RGL1: variants seen among roughly 807,000 people sequenced by gnomAD.
RGL1 encodes ral guanine nucleotide dissociation stimulator-like 1.
Under a neutral mutation model 95.2 loss-of-function variants are expected in RGL1, and 24 were observed. That is an observed-to-expected ratio of 0.25 (90% CI 0.18 to 0.35). The LOEUF is 0.35. Ranked by LOEUF, RGL1 falls within the 10% of genes least tolerant of loss-of-function variation. The pLI, the probability that RGL1 is intolerant of heterozygous loss-of-function variation, is 1.00. For missense variants in RGL1, 715 were observed against 936.3 expected (o/e 0.76, Z 3.08); for synonymous variants, 329 against 344.9 (o/e 0.95, Z 0.51).
At chr1:183,842,227 A>T (rs1379573720) in intron 2 of RGL1, among the ~76,000 whole-genome samples, 1 of 152,158 alleles carries the variant, frequency 6.6e-6, no homozygotes, top group East Asian at 1.9e-4. Flanking sequence ...AAGAGTGATC[A>T]TGGTGTGGAG....
At chr1:183,723,237 A>G in intron 1 of RGL1, among the ~76,000 whole-genome samples, 1 of 152,244 alleles carries the variant, frequency 6.6e-6, no homozygotes, top group East Asian at 1.9e-4. Context: ...CTCAGCTAGC[A>G]GGAGGCAGAG....
At chr1:183,700,104 TCTTCC>T (rs1654494151) in intron 1 of RGL1, among the ~76,000 whole-genome samples, 5 of 152,158 alleles carry the variant, frequency 3.3e-5, no homozygotes, top group African/African-American at 4.8e-5. Flanking sequence ...TTCTAATCCC[TCTTCC>T]CACTCCTACC....
At position 183,907,073 on chromosome 1, in the gene RGL1, C is replaced by G. The variant is rs371044087; in HGVS notation, c.1534C>G (p.Arg512Gly). 6.2e-7 allele frequency: 1 copy of G among 1,611,116 alleles called. No homozygotes were observed. The highest frequency in any genetic ancestry group is 8.5e-7 in the Non-Finnish European group (1 of 1,178,154). Residue 512 changes from arginine (R) to glycine (G), a missense_variant, in exon 14 of 18, where the codon CGG (arginine) becomes GGG (glycine). Around this residue, in one of 3 missense-constraint regions of RGL1, gnomAD observed 330 missense variants for 429.6 expected, o/e 0.77. Coordinates refer to ENST00000360851, the MANE Select transcript of RGL1 (RefSeq NM_001297671.3). ...ADASTTSPKPRKSMVKRLSLL... is the reference protein window; with the variant it reads ...ADASTTSPKPGKSMVKRLSLL... ...CGCCAGCACCACCTCGCCCAAGCCTCGGAAGAGCATGGTGAAGAGACTCAG... is the reference window on the plus strand; with the variant it reads ...CGCCAGCACCACCTCGCCCAAGCCTGGGAAGAGCATGGTGAAGAGACTCAG...
intron 1 of RGL1, among the ~76,000 whole-genome samples, chr1:183,679,962 A>G (rs1653100161): frequency 6.6e-6 from 1 of 152,122 alleles, no homozygotes; most frequent in South Asian, 2.1e-4. Flanking sequence ...TTCTCTAATG[A>G]CCAGTGATGA....
intron 1 of RGL1, among the ~76,000 whole-genome samples, chr1:183,664,430 T>C (rs1651884747): frequency 6.6e-6 from 1 of 152,120 alleles, no homozygotes; most frequent in South Asian, 2.1e-4. Context: ...ATCATATCTG[T>C]ACTAGTTTAG....
intron 1 of RGL1, among the ~76,000 whole-genome samples, chr1:183,664,356 G>A (rs1651880361): frequency 1.3e-5 from 2 of 152,054 alleles, no homozygotes; most frequent in Admixed American, 6.6e-5. Flanking sequence ...GTTCTTTACG[G>A]TTTTCTTCAT....
rs1669700619 is a variant in RGL1 at position 183,927,840 on chromosome 1, AC to A, written c.*1549del. On this transcript the variant is annotated 3_prime_UTR_variant, in exon 18 of 18. Transcript: ENST00000360851. ...TATTTTTTTTTCTTAATCCCATAAT[AC>A]AGCTCCTAAAAGTTGTGTGGGATTT... is the stretch of plus-strand genomic sequence containing the variant. 6.6e-6 allele frequency: 1 copy of A among 152,604 alleles called. No homozygotes were observed. The highest frequency in any genetic ancestry group is 2.4e-5 in the African/African-American group (1 of 41,436). The allele number at this position is 152,604 out of a possible 1,614,324, so 9.5% of individuals were successfully genotyped here. A position where few individuals can be genotyped will look rare whatever the true frequency, so the allele number is the denominator to read the frequency against.
intron 2 of RGL1, among the ~76,000 whole-genome samples, chr1:183,833,991 A>G (rs934930833): frequency 1.4e-5 from 2 of 147,022 alleles, no homozygotes; most frequent in Admixed American, 1.4e-4. Context: ...GCATAGCAGC[A>G]TAAAACTCTG....
At chr1:183,655,798 G>T (rs1651113697) in intron 1 of RGL1, among the ~76,000 whole-genome samples, 1 of 152,168 alleles carries the variant, frequency 6.6e-6, no homozygotes, top group South Asian at 2.1e-4. Flanking sequence ...AGCAGCAAAT[G>T]TTTAGAATTA....
At chr1:183,684,715 G>A (rs575921694) in intron 1 of RGL1, among the ~76,000 whole-genome samples, 57 of 152,224 alleles carry the variant, frequency 3.7e-4, no homozygotes, top group Non-Finnish European at 7.2e-4. Flanking sequence ...GGCCCTGGTG[G>A]TGTAGGGACC....
At chr1:183,841,518 A>G (rs1421806664) in intron 2 of RGL1, among the ~76,000 whole-genome samples, 1 of 152,208 alleles carries the variant, frequency 6.6e-6, no homozygotes, top group East Asian at 1.9e-4. Flanking sequence ...AAAAGCCATA[A>G]TCACCTTTGC....
intron 1 of RGL1, among the ~76,000 whole-genome samples, chr1:183,685,757 G>T (rs1027614709): frequency 1.3e-5 from 2 of 152,040 alleles, no homozygotes; most frequent in Non-Finnish European, 2.9e-5. Flanking sequence ...CCTAACATGT[G>T]GTAATACAGT....
intron 1 of RGL1, among the ~76,000 whole-genome samples, chr1:183,723,291 A>G (rs10911421): frequency 0.47 from 71,129 of 152,060 alleles, 17,501 homozygotes; most frequent in East Asian, 0.8. Flanking sequence ...TCCTCCTTGC[A>G]GGAACACCAA....
intron 1 of RGL1, among the ~76,000 whole-genome samples, chr1:183,676,057 G>A (rs971011125): frequency 1.3e-5 from 2 of 152,136 alleles, no homozygotes; most frequent in Admixed American, 6.5e-5. Context: ...TGAGGTGGGA[G>A]GATGGCTTGA....
chr1:183,877,876 A>C (rs1318213166), intron 4 of RGL1, among the ~76,000 whole-genome samples: 4 of 152,226 alleles, frequency 2.6e-5, no homozygotes, highest in Non-Finnish European at 5.9e-5. Context: ...GCTCCTCTTT[A>C]GAACTCTCCT....
chr1:183,795,215 T>G (rs1228019818), intron 2 of RGL1, among the ~76,000 whole-genome samples: 2 of 152,206 alleles, frequency 1.3e-5, no homozygotes, highest in Admixed American at 6.5e-5. Context: ...TCAAATTATT[T>G]ATTGAGCATC....
intron 8 of RGL1, among the ~76,000 whole-genome samples, chr1:183,890,769 G>C (rs1044128735): frequency 5.3e-5 from 8 of 152,144 alleles, no homozygotes; most frequent in African/African-American, 1.7e-4. Context: ...CAAATCTATG[G>C]ACACGGAATG....
At chr1:183,881,713 A>G (rs1343070896) in intron 5 of RGL1, among the ~76,000 whole-genome samples, 2 of 152,268 alleles carry the variant, frequency 1.3e-5, no homozygotes, top group Non-Finnish European at 2.9e-5. Context: ...CTAAATTCCA[A>G]ACAATACCTG....
intron 1 of RGL1, among the ~76,000 whole-genome samples, chr1:183,658,360 C>T (rs1261952755): frequency 6.6e-6 from 1 of 152,236 alleles, no homozygotes; most frequent in East Asian, 1.9e-4. Context: ...CACCCCAATA[C>T]AGCACTTTTC....
Sources: gnomAD v4.1 joint callset for allele counts (sites outside exome capture counted in the v4.1 genomes callset) on GRCh38, gnomAD v4.1.1 for gene constraint, gnomAD v4.1.1 regional missense constraint, MANE v1.5 for transcripts, NCBI Gene and HGNC (gene_info 2026-07-23, HGNC 2026-07-21) for gene names.